Variants in GPHN observed in about 807,000 individuals in gnomAD.
GPHN encodes gephyrin.
A neutral mutation model predicts 95.5 loss-of-function variants in GPHN; 17 were observed. The ratio of observed to expected loss-of-function variants is 0.18; its 90% CI spans 0.12 to 0.27. The LOEUF is 0.27. Ranked by LOEUF, GPHN falls within the 10% of genes least tolerant of loss-of-function variation. The probability of loss-of-function intolerance (pLI) is 1.00; values close to 1 mark genes in which losing one functional copy is unlikely to be tolerated. For missense variants in GPHN, 660 were observed against 978.1 expected, an observed-to-expected ratio of 0.67 and a Z score of 4.34; for synonymous variants, 320 against 322.5, an observed-to-expected ratio of 0.99 and a Z score of 0.08.
intron 2 of GPHN, among the ~76,000 whole-genome samples, chr14:66,753,177 A>G (rs527481422): frequency 6.6e-6 from 1 of 151,990 alleles, no homozygotes; most frequent in Non-Finnish European, 1.5e-5. Context: ...ATGAATTTGT[A>G]TTTGACCACT....
chr14:67,263,228 A>G, the GPHN span, among the ~76,000 whole-genome samples: 1 of 152,322 alleles, frequency 6.6e-6, no homozygotes, highest in Admixed American at 6.5e-5. Context: ...TAGGGACCCT[A>G]ATTTGTCTAA....
At chr14:66,674,734 T>C (rs1163468436) in intron 1 of GPHN, among the ~76,000 whole-genome samples, 1 of 152,228 alleles carries the variant, frequency 6.6e-6, no homozygotes, top group Non-Finnish European at 1.5e-5. Context: ...GGATGTTTAG[T>C]TTGATTCCAT....
At chr14:66,800,658 A>T (rs1032400566) in intron 3 of GPHN, among the ~76,000 whole-genome samples, 11 of 152,022 alleles carry the variant, frequency 7.2e-5, no homozygotes, top group African/African-American at 2.2e-4. Context: ...ACTAAATACC[A>T]TGAGGTATTA....
the GPHN span, among the ~76,000 whole-genome samples, chr14:67,229,303 T>G: frequency 6.6e-6 from 1 of 152,168 alleles, no homozygotes; most frequent in Non-Finnish European, 1.5e-5. Flanking sequence ...TTCACACAAA[T>G]AGTACTGGTT....
the GPHN span, chr14:67,198,366 A>G: frequency 1.3e-6 from 2 of 1,544,794 alleles, no homozygotes; most frequent in Non-Finnish European, 1.8e-6. Flanking sequence ...AACTTCAGTA[A>G]TTTTCTCAAA....
chr14:67,412,677 C>T, the GPHN span, among the ~76,000 whole-genome samples: 5 of 152,112 alleles, frequency 3.3e-5, no homozygotes, highest in Non-Finnish European at 2.9e-5. Context: ...CCGAAAATTC[C>T]ATCATTAAGG....
chr14:67,445,574 A>ATTTTTTTTTTTTTTTTTTT, the GPHN span, among the ~76,000 whole-genome samples: 2 of 98,678 alleles, frequency 2.0e-5, no homozygotes, highest in African/African-American at 9.3e-5. Context: ...AAGAGAGGCA[A>ATTTTTTTTTTTTTTTTTTT]TTCTTTTTTT....
At chr14:67,657,624 C>CACACACACA in the GPHN span, among the ~76,000 whole-genome samples, 96 of 143,166 alleles carry the variant, frequency 6.7e-4, no homozygotes, top group South Asian at 5.9e-3. Flanking sequence ...ACACACACAC[C>CACACACACA]CAAAATCAAA....
At chr14:67,247,817 G>A in the GPHN span, among the ~76,000 whole-genome samples, 185 of 152,190 alleles carry the variant, frequency 1.2e-3, 1 homozygote, top group South Asian at 0.011. Flanking sequence ...GGGCTCAAGC[G>A]ATCTGCCCAC....
At chr14:67,530,248 T>C in the GPHN span, among the ~76,000 whole-genome samples, 3 of 152,238 alleles carry the variant, frequency 2.0e-5, no homozygotes, top group African/African-American at 7.2e-5. Flanking sequence ...ACTATCTCAT[T>C]TAATCATTTC....
the GPHN span, among the ~76,000 whole-genome samples, chr14:67,286,870 A>G: frequency 9.9e-5 from 15 of 151,042 alleles, no homozygotes; most frequent in East Asian, 1.9e-4. Flanking sequence ...AAAAAAAAAA[A>G]AAAAGAAAAA....
chr14:66,906,354 G>A (rs554482754), intron 5 of GPHN, among the ~76,000 whole-genome samples: 3 of 152,292 alleles, frequency 2.0e-5, no homozygotes, highest in Admixed American at 6.5e-5. Context: ...CATGGGTTAA[G>A]GCAGGGACAG....
chr14:67,212,601 AT>A, the GPHN span, among the ~76,000 whole-genome samples: 435 of 81,578 alleles, frequency 5.3e-3, 3 homozygotes, highest in African/African-American at 0.02. Flanking sequence ...AAAAAAAAAT[AT>A]ATATATATAT....
At chr14:67,656,019 G>A in the GPHN span, among the ~76,000 whole-genome samples, 1 of 152,174 alleles carries the variant, frequency 6.6e-6, no homozygotes, top group African/African-American at 2.4e-5. Flanking sequence ...GCCGGAGCAG[G>A]TGGATCACCT....
chr14:66,741,014 G>A (rs764323728), intron 2 of GPHN, among the ~76,000 whole-genome samples: 10 of 152,194 alleles, frequency 6.6e-5, no homozygotes, highest in Non-Finnish European at 1.0e-4. Context: ...AAGGGCAAGA[G>A]AGCATGTGTG....
intron 5 of GPHN, among the ~76,000 whole-genome samples, chr14:66,907,499 C>T (rs562254901): frequency 5.9e-5 from 9 of 152,158 alleles, no homozygotes; most frequent in East Asian, 1.9e-4. Context: ...AGTAGAAATA[C>T]GGAAACATGA....
At chr14:67,179,444 G>T (rs574704301) in intron 21 of GPHN, 134 bp from the exon 22 acceptor site, 3 of 690,496 alleles carry the variant, frequency 4.3e-6, no homozygotes, top group South Asian at 1.6e-5. Flanking sequence ...ACATAAGGTG[G>T]TAGTGACAGC....
intron 2 of GPHN, among the ~76,000 whole-genome samples, chr14:66,737,391 G>A (rs1365931228): frequency 6.6e-6 from 1 of 152,122 alleles, no homozygotes; most frequent in Non-Finnish European, 1.5e-5. Flanking sequence ...CCATAACCCT[G>A]CACAAATGTG....
chr14:67,184,836 C>T (rs1196920167), downstream of GPHN, among the ~76,000 whole-genome samples: 1 of 152,084 alleles, frequency 6.6e-6, no homozygotes, highest in Non-Finnish European at 1.5e-5. Context: ...AAAAGTCTTG[C>T]CAAGAGAAGA....
Sources: allele counts gnomAD v4.1 joint callset (sites outside exome capture counted in the v4.1 genomes callset), GRCh38; gene constraint gnomAD v4.1.1; transcripts MANE v1.5; gene names NCBI Gene and HGNC (gene_info 2026-07-23, HGNC 2026-07-21).